PIEZO2: variants seen among roughly 807,000 people sequenced by gnomAD.
PIEZO2 encodes the protein piezo type mechanosensitive ion channel component 2, also known as piezo-type mechanosensitive ion channel component 2.
PIEZO2 carries 172 observed loss-of-function variants against 337.3 expected under a neutral mutation model. The observed-to-expected ratio is 0.51, with a 90% CI of 0.45 to 0.58. The LOEUF (loss-of-function observed/expected upper bound fraction) is 0.58, where lower values mean the gene tolerates loss of function less well. PIEZO2 is among the 20% of genes least tolerant of loss of function. The pLI, the probability that PIEZO2 is intolerant of heterozygous loss-of-function variation, is 0.00. For synonymous variants in PIEZO2, 1,251 were observed against 1,228.5 expected (o/e 1.02, Z -0.38); for missense variants, 3,028 against 3,391.3 (o/e 0.89, Z 2.66).
intron 2 of PIEZO2, among the ~76,000 whole-genome samples, chr18:11,019,701 A>C (rs2036244265): frequency 6.6e-6 from 1 of 151,874 alleles, no homozygotes; most frequent in Non-Finnish European, 1.5e-5. Context: ...TTACCCCCCT[A>C]CCCCAACACA....
chr18:10,997,493 A>G (rs2035368841), intron 2 of PIEZO2, among the ~76,000 whole-genome samples: 1 of 152,190 alleles, frequency 6.6e-6, no homozygotes, highest in Non-Finnish European at 1.5e-5. Flanking sequence ...AACCATTATA[A>G]CCAGGCTCCA....
intron 1 of PIEZO2, among the ~76,000 whole-genome samples, chr18:11,141,889 T>G (rs1252036556): frequency 1.3e-5 from 2 of 152,132 alleles, no homozygotes; most frequent in East Asian, 1.9e-4. Flanking sequence ...AGGTGACTGG[T>G]GAAATGGCCA....
At chr18:10,685,406 T>A (rs988971512) in intron 49 of PIEZO2, among the ~76,000 whole-genome samples, 1 of 152,214 alleles carries the variant, frequency 6.6e-6, no homozygotes, top group African/African-American at 2.4e-5. Context: ...TAGCATAGGA[T>A]GGAAGTATAT....
rs543623209 is a variant in PIEZO2 at position 10,853,341 on chromosome 18, C to A, written c.917+2012G>T. ...GATCTCAAGTCGCCTGCTTAGCCCA[C>A]TTCCAAGTGTACTTCACTTCCTTTC... On this transcript the variant is annotated intron_variant, in intron 7 of 55. Transcript: ENST00000674853. This position sits in a 1 kb window ranked among gnomAD's most constrained non-coding sequence, Gnocchi z 4.2. 2.3e-4 allele frequency among the ~76,000 whole-genome samples: 35 copies of A among 152,342 alleles called. No individual in the cohort carries two copies. Among genetic ancestry groups the A allele is most frequent in the African/African-American group, 8.4e-4 (35 of 41,574 alleles).
At chr18:10,702,218 T>C (rs1175031000) in intron 42 of PIEZO2, 47 bp from the exon 43 acceptor site, 7 of 1,486,058 alleles carry the variant, frequency 4.7e-6, no homozygotes, top group Admixed American at 2.3e-5. Context: ...CTTTTAGGAA[T>C]AGATATACCT....
Position 10,783,015 on chromosome 18 carries a change from G to A in PIEZO2, c.2492+1769C>T, listed in dbSNP as rs756891590. Among the ~76,000 whole-genome samples, 4 of 151,938 alleles carry A rather than the reference G, an allele frequency of 2.6e-5. No homozygotes were observed. Among genetic ancestry groups the A allele is most frequent in the Admixed American group, 6.6e-5 (1 of 15,246 alleles). On this transcript the variant is annotated intron_variant, in intron 17 of 55. Transcript: ENST00000674853. The surrounding 1 kb of genome is among the most constrained non-coding windows in gnomAD (Gnocchi z 4.3). ...GTGAATTATATCTCTGTTTGATTGC[G>A]TGACAGAAGACTCAGACACATCCAC...
At chr18:11,020,431 G>C (rs2036269566) in intron 2 of PIEZO2, among the ~76,000 whole-genome samples, 1 of 152,044 alleles carries the variant, frequency 6.6e-6, no homozygotes, top group African/African-American at 2.4e-5. Context: ...TTAGTTCAAG[G>C]CAAAATGCAA....
intron 3 of PIEZO2, among the ~76,000 whole-genome samples, chr18:10,960,960 T>C (rs1452706178): frequency 6.6e-6 from 1 of 152,018 alleles, no homozygotes; most frequent in East Asian, 1.9e-4. Flanking sequence ...GGGCGGATCA[T>C]GAGGTCAGGA....
At position 11,066,111 on chromosome 18, in the gene PIEZO2, A is replaced by G. The variant is rs1378169630; in HGVS notation, c.160+16T>C. 7.3e-6 allele frequency: 11 copies of G among 1,513,324 alleles called. No individual in the cohort carries two copies. The East Asian group carries it at 2.7e-4, about 37-fold the overall frequency. 93.7% of individuals were successfully genotyped at this position (1,513,324 alleles called of 1,614,324 possible). On this transcript the variant is annotated intron_variant, in intron 2 of 55. Coordinates refer to ENST00000674853, the MANE Select transcript of PIEZO2 (RefSeq NM_001378183.1). ...ACTGTATAACTCTGTGGTATACGAT[A>G]ACAAAATTCTCTTACCTTGCATCGT...
At chr18:10,771,972 T>C (rs1598459320) in intron 20 of PIEZO2, among the ~76,000 whole-genome samples, 2 of 151,988 alleles carry the variant, frequency 1.3e-5, no homozygotes, top group African/African-American at 2.4e-5. Context: ...AGTGAAAGAG[T>C]AGTGATGCTG....
In PIEZO2 at chr18:11,097,083, G is replaced by A. The variant is rs117152247; in HGVS notation, c.65-30861C>T. Among the ~76,000 whole-genome samples, 6 of 152,204 alleles carry A rather than the reference G, an allele frequency of 3.9e-5. No individual in the cohort carries two copies. Among genetic ancestry groups the A allele is most frequent in the Non-Finnish European group, 8.8e-5 (6 of 68,012 alleles). The stretch of plus-strand genomic sequence containing the variant: ...TGTAGGACGATCTTTTGTATACAAG[G>A]CAATTTCATCCTCTCCTTGGAAATT... On this transcript the variant is annotated intron_variant, in intron 1 of 55. Transcript: ENST00000674853. This position sits in a 1 kb window ranked among gnomAD's most constrained non-coding sequence, Gnocchi z 5.0.
rs1390999570 is a variant in PIEZO2 at position 11,031,247 on chromosome 18, C to A, written c.160+34880G>T. On this transcript the variant is annotated intron_variant, in intron 2 of 55. Coordinates refer to ENST00000674853, the MANE Select transcript of PIEZO2 (RefSeq NM_001378183.1). This position sits in a 1 kb window ranked among gnomAD's most constrained non-coding sequence, Gnocchi z 4.7. The stretch of plus-strand genomic sequence containing the variant: ...ATCTCCTGACCTCGTGATCCACCCA[C>A]CTCAGCCTCCCAAAGTGCTGGGATT... 6.6e-6 allele frequency among the ~76,000 whole-genome samples: 1 copy of A among 151,874 alleles called. No homozygotes were observed. Among genetic ancestry groups the A allele is most frequent in the Non-Finnish European group, 1.5e-5 (1 of 67,984 alleles).
In PIEZO2 at chr18:10,725,247, C is replaced by T; in HGVS notation, c.5029+6160G>A. ...GAACCTACGAACACTTTGAGGCTGCCACCGGCAGGCAGCTGCTCACCAAGT... is the reference window on the plus strand; with the variant it reads ...GAACCTACGAACACTTTGAGGCTGCTACCGGCAGGCAGCTGCTCACCAAGT... On this transcript the variant is annotated intron_variant, in intron 36 of 55. Transcript: ENST00000674853. The T allele has an allele frequency of 1.9e-6, 3 of 1,565,988 alleles. No individual in the cohort carries two copies. In the South Asian group the frequency reaches 3.3e-5, roughly 17 times the overall value.
chr18:10,915,608 G>T (rs1325096735), intron 3 of PIEZO2, among the ~76,000 whole-genome samples: 1 of 152,104 alleles, frequency 6.6e-6, no homozygotes, highest in Non-Finnish European at 1.5e-5. Flanking sequence ...TACCAAGTAG[G>T]TGCTAGCTTC....
In PIEZO2 at chr18:10,671,721, A is replaced by G. The variant is rs2033785932; in HGVS notation, c.8404T>C (p.Phe2802Leu). The part of the protein sequence containing the change: ...LVIGKFVREF[F>L]SGISHSIMFE... ...ATGATGGAGTGAGAAATCCCACTGA[A>G]GAATTCACGGACAAATTTCCCAATC... Residue 2802 changes from phenylalanine (F) to leucine (L), a missense_variant, in exon 56 of 56, where the codon TTC (phenylalanine) becomes CTC (leucine). Transcript: ENST00000674853. 1 of 1,613,876 alleles carries G rather than the reference A, an allele frequency of 6.2e-7. No homozygotes were observed. The highest frequency in any genetic ancestry group is 8.5e-7 in the Non-Finnish European group (1 of 1,179,946).
Position 11,070,554 on chromosome 18 carries a change from G to A in PIEZO2, c.65-4332C>T, listed in dbSNP as rs1017470116. The stretch of plus-strand genomic sequence containing the variant: ...GCAGAAAAATTCGAGACGGATATGA[G>A]AAAAACCAGGAAAGCCTAGCTTCAC... On this transcript the variant is annotated intron_variant, in intron 1 of 55. Coordinates refer to ENST00000674853, the MANE Select transcript of PIEZO2 (RefSeq NM_001378183.1). This position sits in a 1 kb window ranked among gnomAD's most constrained non-coding sequence, Gnocchi z 4.3. Among the ~76,000 whole-genome samples the A allele has an allele frequency of 1.2e-4, 18 of 152,168 alleles. No homozygotes were observed. The highest frequency in any genetic ancestry group is 2.1e-4 in the Non-Finnish European group (14 of 68,036).
chr18:11,022,719 C>T (rs774235664), intron 2 of PIEZO2, among the ~76,000 whole-genome samples: 32 of 152,174 alleles, frequency 2.1e-4, no homozygotes, highest in Non-Finnish European at 4.1e-4. Context: ...GAATTCAGTT[C>T]GTAAAAACTA....
At position 11,078,036 on chromosome 18, in the gene PIEZO2, CCACACACA is replaced by C. The variant is rs747424858; in HGVS notation, c.65-11822_65-11815del. ...AAAACACATGTGCGTGCACACACAC[CCACACACA>C]CCCACACACACACACACACACACCA... On this transcript the variant is annotated intron_variant, in intron 1 of 55. Transcript: ENST00000674853. This position sits in a 1 kb window ranked among gnomAD's most constrained non-coding sequence, Gnocchi z 5.3. Among the ~76,000 whole-genome samples the C allele has an allele frequency of 1.7e-5, 2 of 115,988 alleles. No homozygotes were observed. Among genetic ancestry groups the C allele is most frequent in the African/African-American group, 8.3e-5 (2 of 24,050 alleles). 76.1% of individuals were successfully genotyped at this position (115,988 alleles called of 152,430 possible).
intron 4 of PIEZO2, among the ~76,000 whole-genome samples, chr18:10,876,892 T>TGCAA: frequency 6.6e-6 from 1 of 152,304 alleles, no homozygotes; most frequent in East Asian, 1.9e-4. Flanking sequence ...CTCTCCCAAC[T>TGCAA]GCAAGGCCCA....
Sources: gnomAD v4.1 joint callset for allele counts (sites outside exome capture counted in the v4.1 genomes callset) on GRCh38, gnomAD v4.1.1 for gene constraint, Gnocchi (gnomAD v3.1) non-coding constraint, MANE v1.5 for transcripts, NCBI Gene and HGNC (gene_info 2026-07-23, HGNC 2026-07-21) for gene names.